The following BRINP2 variants were observed in gnomAD, a reference collection of about 807,000 sequenced individuals.
BRINP2 encodes the protein BMP/retinoic acid inducible neural specific 2, also known as BMP/retinoic acid-inducible neural-specific protein 2.
A neutral mutation model predicts 69.2 loss-of-function variants in BRINP2; 21 were observed. The ratio of observed to expected loss-of-function variants is 0.30; its 90% confidence interval spans 0.22 to 0.44. The LOEUF (loss-of-function observed/expected upper bound fraction) is 0.44, where lower values mean the gene tolerates loss of function less well. Ranked by LOEUF, BRINP2 falls within the 20% of genes least tolerant of loss-of-function variation. The probability of loss-of-function intolerance (pLI) is 1.00; values close to 1 mark genes in which losing one functional copy is unlikely to be tolerated. For missense variants in BRINP2, 877 were observed against 986.0 expected (o/e 0.89, Z 1.48); for synonymous variants, 380 against 394.1 (o/e 0.96, Z 0.42).
At position 177,238,554 on chromosome 1, in the gene BRINP2, C is replaced by T. The variant is rs539828358; in HGVS notation, c.269+8409C>T. On this transcript the variant is annotated intron_variant, in intron 2 of 7. Transcript: ENST00000361539. Reference sequence around the variant, plus strand: ...GAGGGGGAGATGATCAGAAGCGTTTCCCATTGCAGGGCTTGAATGTCCAAG... The same window carrying T: ...GAGGGGGAGATGATCAGAAGCGTTTTCCATTGCAGGGCTTGAATGTCCAAG... Among the ~76,000 whole-genome samples the T allele has an allele frequency of 2.6e-5, 4 of 152,268 alleles. No homozygotes were observed. The East Asian group carries it at 5.8e-4, about 22-fold the overall frequency.
chr1:177,252,735 C>A (rs1205877468), intron 2 of BRINP2, among the ~76,000 whole-genome samples: 1 of 152,108 alleles, frequency 6.6e-6, no homozygotes, highest in Non-Finnish European at 1.5e-5. Context: ...TCCCACTACC[C>A]TTCCTAGCCT....
intron 1 of BRINP2, among the ~76,000 whole-genome samples, chr1:177,202,112 C>T (rs1024512459): frequency 6.6e-6 from 1 of 152,094 alleles, no homozygotes; most frequent in Non-Finnish European, 1.5e-5. Context: ...ATTAGTCTTG[C>T]TAGCGGTCTA....
intron 1 of BRINP2, among the ~76,000 whole-genome samples, chr1:177,200,543 G>A (rs900914131): frequency 2.0e-5 from 3 of 151,838 alleles, no homozygotes; most frequent in Non-Finnish European, 2.9e-5. Flanking sequence ...AGTAAAGCAG[G>A]CTCCTCCTAC....
chr1:177,277,773 A>T (rs1651546864), intron 6 of BRINP2, among the ~76,000 whole-genome samples: 1 of 152,014 alleles, frequency 6.6e-6, no homozygotes, highest in African/African-American at 2.4e-5. Flanking sequence ...GTTACTGCTG[A>T]TGAATAAATC....
intron 4 of BRINP2, among the ~76,000 whole-genome samples, chr1:177,257,835 G>A (rs979765603): frequency 1.3e-5 from 2 of 152,198 alleles, no homozygotes; most frequent in Non-Finnish European, 2.9e-5. Context: ...CCAGCTGTGT[G>A]GAGAAGTGAG....
chr1:177,210,708 T>C (rs954782916), intron 1 of BRINP2, among the ~76,000 whole-genome samples: 1 of 152,036 alleles, frequency 6.6e-6, no homozygotes, highest in Non-Finnish European at 1.5e-5. Flanking sequence ...GAGTAACTCA[T>C]ATAGGTGAAT....
chr1:177,241,305 A>G (rs1553272817), intron 2 of BRINP2, among the ~76,000 whole-genome samples: 1 of 152,188 alleles, frequency 6.6e-6, no homozygotes, highest in Non-Finnish European at 1.5e-5. Flanking sequence ...AGCCTAAAAC[A>G]TTATGAAGAT....
chr1:177,235,638 A>G (rs998177896), intron 2 of BRINP2, among the ~76,000 whole-genome samples: 2 of 152,178 alleles, frequency 1.3e-5, no homozygotes, highest in African/African-American at 4.8e-5. Flanking sequence ...TCTGACTAAC[A>G]AATACTGATT....
chr1:177,220,787 T>C (rs1649505594), intron 1 of BRINP2, among the ~76,000 whole-genome samples: 1 of 152,100 alleles, frequency 6.6e-6, no homozygotes, highest in Non-Finnish European at 1.5e-5. Flanking sequence ...GCACTGTAAC[T>C]CAAGGGCATG....
intron 2 of BRINP2, among the ~76,000 whole-genome samples, chr1:177,242,365 C>A (rs931957299): frequency 6.6e-6 from 1 of 152,196 alleles, no homozygotes; most frequent in Non-Finnish European, 1.5e-5. Context: ...TCAATGAATA[C>A]TGACCCTCTG....
intron 1 of BRINP2, among the ~76,000 whole-genome samples, chr1:177,212,518 C>A (rs924655921): frequency 6.6e-6 from 1 of 151,386 alleles, no homozygotes; most frequent in Admixed American, 6.6e-5. Flanking sequence ...GCACTCCAGC[C>A]TGGGCGACAG....
chr1:177,234,005 T>A (rs1165171796), intron 2 of BRINP2, among the ~76,000 whole-genome samples: 1 of 152,198 alleles, frequency 6.6e-6, no homozygotes, highest in Non-Finnish European at 1.5e-5. Context: ...TTGACCAACC[T>A]CTCAGCATGT....
intron 2 of BRINP2, among the ~76,000 whole-genome samples, chr1:177,236,879 A>G (rs1650043902): frequency 3.3e-5 from 5 of 152,036 alleles, no homozygotes; most frequent in Non-Finnish European, 5.9e-5. Context: ...TGAAATGCCA[A>G]AAGTGTCTCT....
At position 177,281,510 on chromosome 1, in the gene BRINP2, C is replaced by G. The variant is rs377735882; in HGVS notation, c.2334C>G (p.Thr778=). 9 of 1,605,712 alleles carry G rather than the reference C, an allele frequency of 5.6e-6. No homozygotes were observed. Among genetic ancestry groups the G allele is most frequent in the Non-Finnish European group, 6.8e-6 (8 of 1,178,414 alleles). The change falls in exon 8 of 8, where the codon ACC becomes ACG. Residue 778 remains threonine, a synonymous_variant. Coordinates refer to ENST00000361539, the MANE Select transcript of BRINP2 (RefSeq NM_021165.4). ...SKLPNPVEYE[T]GKLCS The stretch of plus-strand genomic sequence containing the variant: ...TGCCAAACCCTGTGGAATATGAGAC[C>G]GGCAAACTCTGTAGCTAATGGGCGG...
rs544218962 is a variant in BRINP2 at position 177,263,086 on chromosome 1, A to G, written c.669+5702A>G. Among the ~76,000 whole-genome samples, 9 of 152,322 alleles carry G rather than the reference A, an allele frequency of 5.9e-5. No homozygotes were observed. In the East Asian group the frequency reaches 1.5e-3, roughly 26 times the overall value. On this transcript the variant is annotated intron_variant, in intron 4 of 7. Coordinates refer to ENST00000361539, the MANE Select transcript of BRINP2 (RefSeq NM_021165.4). ...AAAGGAGTGATTACAGTAATGGACC[A>G]TGGAATATAATTCAGCCAAGGAATG...
chr1:177,203,425 A>G (rs902492891), intron 1 of BRINP2, among the ~76,000 whole-genome samples: 1 of 152,140 alleles, frequency 6.6e-6, no homozygotes, highest in Non-Finnish European at 1.5e-5. Flanking sequence ...ACATGTATAC[A>G]TATATAACAA....
rs531101206 is a variant in BRINP2 at position 177,181,520 on chromosome 1, G to T, written c.-77+9788G>T. ...CTGCTAGGCTGTAGTCTGGCAGGCC[G>T]GGGGACTGGGTTTACTGGAAGAGTG... is the stretch of plus-strand genomic sequence containing the variant. On this transcript the variant is annotated intron_variant, in intron 1 of 7. Transcript: ENST00000361539. Among the ~76,000 whole-genome samples the T allele has an allele frequency of 2.6e-5, 4 of 152,304 alleles. No individual in the cohort carries two copies. In the East Asian group the frequency reaches 7.7e-4, roughly 29 times the overall value.
chr1:177,280,317 T>C, intron 7 of BRINP2, 95 bp from the exon 8 acceptor site: 2 of 1,269,304 alleles, frequency 1.6e-6, no homozygotes, highest in Non-Finnish European at 2.2e-6. Flanking sequence ...CTCATTGCCT[T>C]CCACGCCTAG....
At chr1:177,279,222 C>T (rs1208033109) in intron 7 of BRINP2, among the ~76,000 whole-genome samples, 1 of 152,152 alleles carries the variant, frequency 6.6e-6, no homozygotes, top group Non-Finnish European at 1.5e-5. Flanking sequence ...TACAGTGGGG[C>T]TGTATCATTA....
Sources: allele counts gnomAD v4.1 joint callset (sites outside exome capture counted in the v4.1 genomes callset), GRCh38; gene constraint gnomAD v4.1.1; transcripts MANE v1.5; gene names NCBI Gene and HGNC (gene_info 2026-07-23, HGNC 2026-07-21).